The following ABCA10 variants were observed in gnomAD, a reference collection of about 807,000 sequenced individuals.
ABCA10 encodes the protein ATP-binding cassette sub-family A member 10.
ABCA10 carries 169 observed loss-of-function variants against 187.5 expected under a neutral mutation model. The observed-to-expected ratio is 0.90, with a 90% CI of 0.80 to 1.02. ABCA10 has a LOEUF of 1.02. Among genes scored for constraint, ABCA10 ranks in the 50% least tolerant of loss-of-function variants. The pLI is 0.00. For missense variants in ABCA10, 1,727 were observed against 1,812.4 expected (o/e 0.95, Z 0.86); for synonymous variants, 574 against 601.8 (o/e 0.95, Z 0.68).
At position 69,191,351 on chromosome 17, in the gene ABCA10, C is replaced by A. The variant is rs199660623; in HGVS notation, c.1872-36G>T. On this transcript the variant is annotated intron_variant, in intron 16 of 38. Coordinates refer to ENST00000690296, the MANE Select transcript of ABCA10 (RefSeq NM_001377321.1). ...AAAAGAGCCATAAGTCTCTTGAATTCTTTTCCAACACCACCACTCATGAAA... is the reference window on the plus strand; with the variant it reads ...AAAAGAGCCATAAGTCTCTTGAATTATTTTCCAACACCACCACTCATGAAA... 10 of 1,478,204 alleles carry A rather than the reference C, an allele frequency of 6.8e-6. No individual in the cohort carries two copies. In the East Asian group the frequency reaches 2.2e-4, roughly 33 times the overall value. The allele number at this position is 1,478,204 out of a possible 1,614,324, so 91.6% of individuals were successfully genotyped here.
chr17:69,211,342 T>TAC (rs1555663016), intron 9 of ABCA10, among the ~76,000 whole-genome samples: 1 of 125,830 alleles, frequency 7.9e-6, no homozygotes, highest in Non-Finnish European at 1.6e-5. Flanking sequence ...TATATATATA[T>TAC]ATATATATAT....
intron 2 of ABCA10, among the ~76,000 whole-genome samples, chr17:69,226,785 T>G (rs2074797124): frequency 6.6e-6 from 1 of 151,918 alleles, no homozygotes; most frequent in Admixed American, 6.6e-5. Context: ...TTGCCTAGCT[T>G]ATCTTTCCCC....
chr17:69,155,940 A>C lies in ABCA10; in HGVS notation c.3456-15T>G, dbSNP rs751767162. The C allele has an allele frequency of 4.4e-6, 7 of 1,604,242 alleles. No individual in the cohort carries two copies. Among genetic ancestry groups the C allele is most frequent in the Non-Finnish European group, 6.0e-6 (7 of 1,176,112 alleles). On this transcript the variant is annotated splice_polypyrimidine_tract_variant and intron_variant, in intron 28 of 38. Coordinates refer to ENST00000690296, the MANE Select transcript of ABCA10 (RefSeq NM_001377321.1). Reference sequence around the variant, plus strand: ...GTGGAGAGATTCTACAGAGGAAATAAAATAACATAAAAATGCAATTTTGGC... The same window carrying C: ...GTGGAGAGATTCTACAGAGGAAATACAATAACATAAAAATGCAATTTTGGC...
chr17:69,193,576 T>C lies in ABCA10; in HGVS notation c.1558A>G (p.Ile520Val). 6.2e-7 allele frequency: 1 copy of C among 1,611,306 alleles called. No homozygotes were observed. Among genetic ancestry groups the C allele is most frequent in the Non-Finnish European group, 8.5e-7 (1 of 1,177,864 alleles). ...RIIMELDMQS[I>V]QDIIAKKLSG... ...AATTTTTTAGCAATAATGTCTTGAA[T>C]GCTTTGCATGTCTAATTCCATTATA... The change falls in exon 14 of 39, where the codon ATT becomes GTT. Residue 520 changes from isoleucine (I) to valine (V), a missense_variant. Transcript: ENST00000690296.
At chr17:69,167,260 G>C (rs1284493293) in intron 25 of ABCA10, among the ~76,000 whole-genome samples, 2 of 152,098 alleles carry the variant, frequency 1.3e-5, no homozygotes, top group Admixed American at 1.3e-4. Flanking sequence ...TCTAGATCAG[G>C]GGTCATAAGA....
At chr17:69,193,674 C>A in intron 13 of ABCA10, 62 bp from the exon 14 acceptor site, 2 of 1,548,380 alleles carry the variant, frequency 1.3e-6, no homozygotes, top group Admixed American at 2.0e-5. Flanking sequence ...TTTTTACTCT[C>A]TAAAAATGAA....
intron 18 of ABCA10, among the ~76,000 whole-genome samples, chr17:69,188,231 A>C (rs187880334): frequency 2.2e-4 from 33 of 152,244 alleles, no homozygotes; most frequent in African/African-American, 7.7e-4. Flanking sequence ...CTCCTCTGTC[A>C]TCTGGAATTT....
intron 22 of ABCA10, among the ~76,000 whole-genome samples, chr17:69,176,996 C>T (rs2074339749): frequency 6.6e-6 from 1 of 152,138 alleles, no homozygotes; most frequent in East Asian, 1.9e-4. Flanking sequence ...TAAATCTCTG[C>T]TTTTCTTTGC....
chr17:69,207,739 A>G (rs2144824928), intron 9 of ABCA10, among the ~76,000 whole-genome samples: 1 of 152,292 alleles, frequency 6.6e-6, no homozygotes, highest in Non-Finnish European at 1.5e-5. Context: ...AATCTTGGCT[A>G]CCAGGGCCTG....
chr17:69,167,280 G>T (rs932850091), intron 25 of ABCA10, among the ~76,000 whole-genome samples: 1 of 152,080 alleles, frequency 6.6e-6, no homozygotes, highest in African/African-American at 2.4e-5. Flanking sequence ...AACTTTTCAG[G>T]CTCATTACAC....
chr17:69,222,735 AACTTATTACTAGAGGAC>A, intron 3 of ABCA10, 38 bp from the exon 4 acceptor site: 1 of 1,518,934 alleles, frequency 6.6e-7, no homozygotes, highest in Non-Finnish European at 8.8e-7. Flanking sequence ...TAATCATGTA[AACTTATTACTAGAGGAC>A]ACAAAAACAA....
intron 27 of ABCA10, among the ~76,000 whole-genome samples, chr17:69,162,409 G>A (rs1249996556): frequency 3.3e-5 from 5 of 152,156 alleles, no homozygotes. Context: ...ACTTTCTGGA[G>A]GGACAAAGAA....
In ABCA10 at chr17:69,202,695, T is replaced by C. The variant is rs76862420; in HGVS notation, c.1007-1027A>G. Among the ~76,000 whole-genome samples, 467 of 152,302 alleles carry C rather than the reference T, an allele frequency of 3.1e-3. 2 individuals are homozygous for C. Among genetic ancestry groups the C allele is most frequent in the African/African-American group, 0.011 (446 of 41,568 alleles). Reference sequence around the variant, plus strand: ...ATGATCTGGAATTATACAGGGATCTTTATCAAGAGATAGTTCATTTCATTC... The same window carrying C: ...ATGATCTGGAATTATACAGGGATCTCTATCAAGAGATAGTTCATTTCATTC... On this transcript the variant is annotated intron_variant, in intron 9 of 38. Transcript: ENST00000690296.
intron 7 of ABCA10, 30 bp downstream of exon 7, chr17:69,216,187 T>C: frequency 1.3e-6 from 2 of 1,596,404 alleles, no homozygotes; most frequent in Non-Finnish European, 8.5e-7. Flanking sequence ...CTGAAACAGG[T>C]TAAGAGGTAA....
Position 69,155,921 on chromosome 17 carries a change from A to G in ABCA10, c.3460T>C (p.Ser1154Pro). The change falls in exon 29 of 39, where the codon TCT (serine) becomes CCT (proline). Residue 1154 changes from serine (S) to proline (P), a missense_variant. Coordinates refer to ENST00000690296, the MANE Select transcript of ABCA10 (RefSeq NM_001377321.1). ...GGATGAGTTTCTCTACTCCGTGGAGAGATTCTACAGAGGAAATAAAATAAC... is the reference window on the plus strand; with the variant it reads ...GGATGAGTTTCTCTACTCCGTGGAGGGATTCTACAGAGGAAATAAAATAAC... ...IMNKDPVFRI[S>P]PRSRETHPNP... 1 of 1,611,748 alleles carries G rather than the reference A, an allele frequency of 6.2e-7. No homozygotes were observed.
intron 36 of ABCA10, among the ~76,000 whole-genome samples, chr17:69,150,826 G>C (rs1317540615): frequency 1.3e-5 from 2 of 152,172 alleles, no homozygotes; most frequent in African/African-American, 2.4e-5. Flanking sequence ...AGCACAGAAA[G>C]GACATTTTCA....
At chr17:69,196,538 C>T (rs1057255330) in intron 11 of ABCA10, 6 of 167,314 alleles carry the variant, frequency 3.6e-5, no homozygotes, top group African/African-American at 1.2e-4. Context: ...ACTGGGAGGC[C>T]GGGCAGAGGG....
At chr17:69,235,863 T>G (rs1264085075) in intron 1 of ABCA10, among the ~76,000 whole-genome samples, 1 of 152,196 alleles carries the variant, frequency 6.6e-6, no homozygotes, top group Non-Finnish European at 1.5e-5. Flanking sequence ...ACTGTCACAT[T>G]TCAGTGTAAA....
At chr17:69,154,088 C>A in intron 31 of ABCA10, 79 bp from the exon 32 acceptor site, 1 of 1,520,878 alleles carries the variant, frequency 6.6e-7, no homozygotes, top group Non-Finnish European at 8.8e-7. Flanking sequence ...TAAAAGTGGC[C>A]ATTAAGCTAC....
Sources: allele counts gnomAD v4.1 joint callset (sites outside exome capture counted in the v4.1 genomes callset), GRCh38; gene constraint gnomAD v4.1.1; transcripts MANE v1.5; gene names NCBI Gene and HGNC (gene_info 2026-07-23, HGNC 2026-07-21).